SMCHD1: variants seen among roughly 807,000 people sequenced by gnomAD.
SMCHD1 encodes the protein structural maintenance of chromosomes flexible hinge domain containing 1, also known as structural maintenance of chromosomes flexible hinge domain-containing protein 1.
SMCHD1 carries 78 observed loss-of-function variants against 254.7 expected under a neutral mutation model. The observed-to-expected ratio is 0.31, with a 90% confidence interval of 0.26 to 0.37. The LOEUF is 0.37. Among genes scored for constraint, SMCHD1 ranks in the 10% least tolerant of loss-of-function variants. The pLI is 1.00. For missense variants in SMCHD1, 1,840 were observed against 2,408.1 expected (o/e 0.76, Z 4.94); for synonymous variants, 766 against 794.9 (o/e 0.96, Z 0.61).
Position 2,724,982 on chromosome 18 carries a change from C to G in SMCHD1, c.2687C>G (p.Ser896Cys). ...RGVTAKGPVN[S>C]CQGKNYNLKV... Reference sequence around the variant, plus strand: ...GTTACAGCCAAGGGCCCTGTAAACTCTTGTCAAGGCAAGGTAAGCATTATG... The same window carrying G: ...GTTACAGCCAAGGGCCCTGTAAACTGTTGTCAAGGCAAGGTAAGCATTATG... Residue 896 changes from serine (S) to cysteine (C), a missense_variant, in exon 21 of 48, where the codon TCT (serine) becomes TGT (cysteine). Physicochemically the swap from Ser to Cys is moderately radical, Grantham distance 112 (BLOSUM62 -1). Coordinates refer to ENST00000320876, the MANE Select transcript of SMCHD1 (RefSeq NM_015295.3). The G allele has an allele frequency of 6.3e-7, 1 of 1,576,110 alleles. No individual in the cohort carries two copies. The highest frequency in any genetic ancestry group is 1.2e-5 in the South Asian group (1 of 85,720).
intron 45 of SMCHD1, among the ~76,000 whole-genome samples, chr18:2,786,721 T>C (rs2076246504): frequency 6.6e-6 from 1 of 152,056 alleles, no homozygotes; most frequent in African/African-American, 2.4e-5. Flanking sequence ...ACCAGTACTG[T>C]AGAAGATTTC....
At chr18:2,727,135 T>G (rs551820093) in intron 22 of SMCHD1, 1 of 152,498 alleles carries the variant, frequency 6.6e-6, no homozygotes, top group African/African-American at 2.4e-5. Context: ...GTCCTTGCCT[T>G]GCACAGTTCT....
In SMCHD1 at chr18:2,743,928, G is replaced by A. The variant is rs772473341; in HGVS notation, c.3801G>A (p.Glu1267=). The A allele has an allele frequency of 2.9e-5, 47 of 1,595,712 alleles. No homozygotes were observed. The highest frequency in any genetic ancestry group is 3.8e-5 in the Non-Finnish European group (45 of 1,171,078). ...LLLIDWPELK[E]SIPVINGRDL... ...TTATAGACTGGCCAGAACTAAAGGA[G>A]GTAAGTCACTTCATGTCTTCACTGA... The change falls in exon 29 of 48, where the codon GAG becomes GAA. Residue 1267 remains glutamate (E), a splice_region_variant and synonymous_variant. Transcript: ENST00000320876.
chr18:2,725,445 G>T (rs1226661205), intron 21 of SMCHD1, among the ~76,000 whole-genome samples: 2 of 151,706 alleles, frequency 1.3e-5, no homozygotes, highest in Non-Finnish European at 3.0e-5. Context: ...GAAGTGTTTG[G>T]TGAGAGATAC....
chr18:2,789,811 A>C (rs1225700062), intron 45 of SMCHD1, among the ~76,000 whole-genome samples: 1 of 152,216 alleles, frequency 6.6e-6, no homozygotes, highest in Non-Finnish European at 1.5e-5. Flanking sequence ...TTGGGAATAG[A>C]AATACTTTTA....
chr18:2,667,804 G>T (rs2073479732), intron 3 of SMCHD1, among the ~76,000 whole-genome samples: 1 of 152,098 alleles, frequency 6.6e-6, no homozygotes, highest in Non-Finnish European at 1.5e-5. Flanking sequence ...AAAATAAAGT[G>T]AACATCTTTT....
At position 2,758,837 on chromosome 18, in the gene SMCHD1, A is replaced by G. The variant is rs549853635; in HGVS notation, c.4347-1815A>G. Among the ~76,000 whole-genome samples, 4 of 151,476 alleles carry G rather than the reference A, an allele frequency of 2.6e-5. No individual in the cohort carries two copies. In the South Asian group the frequency reaches 6.3e-4, roughly 24 times the overall value. ...TCCCCTGCCCAGCAGTTTTACTGTG[A>G]TATGTCTATGTGGATTTCTTTTTTA... On this transcript the variant is annotated intron_variant, in intron 34 of 47. Transcript: ENST00000320876.
In SMCHD1 at chr18:2,703,772, T is replaced by C; in HGVS notation, c.1728T>C (p.Phe576=). 1 of 1,612,922 alleles carries C rather than the reference T, an allele frequency of 6.2e-7. No individual in the cohort carries two copies. Among genetic ancestry groups the C allele is most frequent in the Non-Finnish European group, 8.5e-7 (1 of 1,179,328 alleles). Reference sequence around the variant, plus strand: ...AGAAGTATGATAAACAAATAAAATTTACACTTTTTAAGGGAGTAATTACAC... The same window carrying C: ...AGAAGTATGATAAACAAATAAAATTCACACTTTTTAAGGGAGTAATTACAC... The part of the protein sequence containing the change: ...CHEKYDKQIK[F]TLFKGVITRP... The change falls in exon 13 of 48, where the codon TTT becomes TTC. Residue 576 remains phenylalanine (F), a synonymous_variant. Coordinates refer to ENST00000320876, the MANE Select transcript of SMCHD1 (RefSeq NM_015295.3).
intron 17 of SMCHD1, among the ~76,000 whole-genome samples, chr18:2,708,518 A>G: frequency 6.6e-6 from 1 of 152,018 alleles, no homozygotes; most frequent in African/African-American, 2.4e-5. Flanking sequence ...GTGGTAAAGT[A>G]AGACCCTGTC....
chr18:2,711,211 G>A (rs779971539), intron 17 of SMCHD1, among the ~76,000 whole-genome samples: 47 of 151,328 alleles, frequency 3.1e-4, no homozygotes, highest in Non-Finnish European at 2.8e-4. Context: ...CCTCGAACGC[G>A]TAGCCTCACC....
At chr18:2,749,111 A>G (rs1313511096) in intron 30 of SMCHD1, among the ~76,000 whole-genome samples, 1 of 152,218 alleles carries the variant, frequency 6.6e-6, no homozygotes, top group African/African-American at 2.4e-5. Context: ...GCTTAGCAGT[A>G]AGGATTTGAT....
intron 29 of SMCHD1, among the ~76,000 whole-genome samples, chr18:2,746,686 G>C (rs940095100): frequency 1.3e-5 from 2 of 152,134 alleles, no homozygotes; most frequent in Non-Finnish European, 2.9e-5. Flanking sequence ...TTAAGAGTAG[G>C]GGGTAGAAGC....
intron 47 of SMCHD1, chr18:2,800,404 TG>T (rs933444586): frequency 6.6e-6 from 1 of 152,206 alleles, no homozygotes; most frequent in Non-Finnish European, 1.5e-5. Flanking sequence ...TGGTAGTTGC[TG>T]GCACACTAGG....
chr18:2,716,616 A>G (rs1433971978), intron 17 of SMCHD1, among the ~76,000 whole-genome samples: 1 of 152,166 alleles, frequency 6.6e-6, no homozygotes, highest in Non-Finnish European at 1.5e-5. Context: ...CAGCCCTTGC[A>G]GGGGTTGCAA....
chr18:2,688,791 A>C (rs1332788219), intron 7 of SMCHD1, 44 bp downstream of exon 7: 3 of 1,159,186 alleles, frequency 2.6e-6, no homozygotes, highest in Non-Finnish European at 3.6e-6. Context: ...ACTCCTTTGG[A>C]TAGACGGTGG....
intron 20 of SMCHD1, among the ~76,000 whole-genome samples, chr18:2,724,422 CTG>C (rs2074986325): frequency 6.6e-6 from 1 of 151,870 alleles, no homozygotes. Context: ...ATAAGCCTGT[CTG>C]TTATTATTTG....
chr18:2,662,304 G>A (rs2073306306), intron 1 of SMCHD1, among the ~76,000 whole-genome samples: 1 of 151,836 alleles, frequency 6.6e-6, no homozygotes, highest in African/African-American at 2.4e-5. Flanking sequence ...AAAATCATTT[G>A]CACATAGTTT....
chr18:2,689,967 A>C (rs190111231), intron 7 of SMCHD1, among the ~76,000 whole-genome samples: 1 of 151,926 alleles, frequency 6.6e-6, no homozygotes, highest in Admixed American at 6.6e-5. Flanking sequence ...GTGAGCTATG[A>C]TCATGCCACT....
At chr18:2,684,492 A>G (rs930220524) in intron 5 of SMCHD1, among the ~76,000 whole-genome samples, 2 of 151,982 alleles carry the variant, frequency 1.3e-5, no homozygotes, top group African/African-American at 4.8e-5. Flanking sequence ...TTGTCTCTTT[A>G]TATTTAAAGA....
Sources: allele counts gnomAD v4.1 joint callset (sites outside exome capture counted in the v4.1 genomes callset), GRCh38; gene constraint gnomAD v4.1.1; transcripts MANE v1.5; gene names NCBI Gene and HGNC (gene_info 2026-07-23, HGNC 2026-07-21).